Variants in NRG3 observed in about 807,000 individuals in gnomAD.
The protein encoded by NRG3 is neuregulin 3, also known as pro-neuregulin-3, membrane-bound isoform.
NRG3 carries 31 observed loss-of-function variants against 66.9 expected under a neutral mutation model. The ratio of observed to expected loss-of-function variants is 0.46; its 90% CI spans 0.35 to 0.63. The LOEUF (loss-of-function observed/expected upper bound fraction) is 0.63. Ranked by LOEUF, NRG3 falls within the 20% of genes least tolerant of loss-of-function variation. NRG3 has a pLI of 0.00. For synonymous variants in NRG3, 393 were observed against 359.4 expected, an observed-to-expected ratio of 1.09 and a Z score of -1.06; for missense variants, 910 against 878.9, an observed-to-expected ratio of 1.04 and a Z score of -0.45.
At chr10:82,080,135 G>C (rs1382751583) in intron 1 of NRG3, among the ~76,000 whole-genome samples, 1 of 152,114 alleles carries the variant, frequency 6.6e-6, no homozygotes, top group Admixed American at 6.5e-5. Flanking sequence ...TGCATTCACA[G>C]TGGCTCCCAT....
At chr10:82,554,145 A>C (rs1178747595) in intron 2 of NRG3, among the ~76,000 whole-genome samples, 1 of 152,284 alleles carries the variant, frequency 6.6e-6, no homozygotes, top group African/African-American at 2.4e-5. Flanking sequence ...TAAAATTAAG[A>C]TGCAGATGAG....
intron 3 of NRG3, among the ~76,000 whole-genome samples, chr10:82,746,009 C>T (rs2058628641): frequency 6.6e-6 from 1 of 152,112 alleles, no homozygotes; most frequent in Admixed American, 6.5e-5. Flanking sequence ...TTGCCTCAGC[C>T]TCCCAAGTAG....
intron 1 of NRG3, among the ~76,000 whole-genome samples, chr10:82,187,031 A>G (rs2073849467): frequency 6.6e-6 from 1 of 152,212 alleles, no homozygotes; most frequent in Non-Finnish European, 1.5e-5. Flanking sequence ...CTAGGCCATC[A>G]CCCAAAAACT....
intron 2 of NRG3, among the ~76,000 whole-genome samples, chr10:82,565,990 A>G (rs976905495): frequency 1.3e-5 from 2 of 152,056 alleles, no homozygotes; most frequent in Non-Finnish European, 2.9e-5. Flanking sequence ...CGCCATAGAG[A>G]TGATTGAGCA....
intron 1 of NRG3, among the ~76,000 whole-genome samples, chr10:82,121,462 G>T (rs1429299355): frequency 3.9e-5 from 6 of 152,100 alleles, no homozygotes; most frequent in African/African-American, 1.4e-4. Context: ...ACTGCTTTCT[G>T]CAGAGTAGAC....
chr10:82,714,082 G>A (rs148497571), intron 2 of NRG3, among the ~76,000 whole-genome samples: 13 of 152,226 alleles, frequency 8.5e-5, no homozygotes, highest in African/African-American at 3.1e-4. Flanking sequence ...TAACAATCCA[G>A]TCCAGTTAAT....
rs192650029 is a variant in NRG3 at position 82,323,741 on chromosome 10, A to G, written c.824-34998A>G. 5.1e-4 allele frequency among the ~76,000 whole-genome samples: 77 copies of G among 152,194 alleles called. 1 individual carries two copies. The highest frequency in any genetic ancestry group is 2.9e-3 in the South Asian group (14 of 4,814). ...AGTAAAGTCATCTGGGATTGGAGTT[A>G]TCTCTGTGGGAAGATTTTCAACTAC... On this transcript the variant is annotated intron_variant, in intron 1 of 8. Coordinates refer to ENST00000372141, the MANE Select transcript of NRG3 (RefSeq NM_001010848.4).
intron 1 of NRG3, among the ~76,000 whole-genome samples, chr10:82,110,206 T>C (rs1429176917): frequency 1.3e-5 from 2 of 152,134 alleles, no homozygotes; most frequent in South Asian, 4.1e-4. Flanking sequence ...CATACAGATA[T>C]CTATGGTGAG....
intron 2 of NRG3, among the ~76,000 whole-genome samples, chr10:82,653,376 T>C (rs1035907423): frequency 1.3e-5 from 2 of 152,168 alleles, no homozygotes; most frequent in African/African-American, 4.8e-5. Flanking sequence ...TAAACTTTAG[T>C]GGAGGGCTCA....
At chr10:82,635,465 A>T (rs1167768620) in intron 2 of NRG3, among the ~76,000 whole-genome samples, 2 of 151,760 alleles carry the variant, frequency 1.3e-5, no homozygotes, top group Non-Finnish European at 2.9e-5. Context: ...GAAGGGACAT[A>T]TTCCTGTCTT....
chr10:82,297,277 T>G (rs1332053371), intron 1 of NRG3, among the ~76,000 whole-genome samples: 1 of 152,124 alleles, frequency 6.6e-6, no homozygotes, highest in Non-Finnish European at 1.5e-5. Flanking sequence ...AAACATTTTT[T>G]TTTTTCTTTT....
intron 3 of NRG3, among the ~76,000 whole-genome samples, chr10:82,852,149 G>T (rs1019766177): frequency 1.3e-5 from 2 of 152,174 alleles, no homozygotes; most frequent in African/African-American, 2.4e-5. Context: ...AAACAAGGTG[G>T]ACTGTTTTCT....
At chr10:82,786,054 C>T (rs1232021596) in intron 3 of NRG3, among the ~76,000 whole-genome samples, 2 of 152,092 alleles carry the variant, frequency 1.3e-5, no homozygotes, top group African/African-American at 4.8e-5. Flanking sequence ...ATGGTGCCAC[C>T]CCGGAGAGCC....
At chr10:82,851,297 T>G (rs1008563652) in intron 3 of NRG3, among the ~76,000 whole-genome samples, 15 of 152,160 alleles carry the variant, frequency 9.9e-5, no homozygotes, top group Non-Finnish European at 2.2e-4. Flanking sequence ...TAAGCATTGG[T>G]GCTCTTGGAG....
intron 1 of NRG3, among the ~76,000 whole-genome samples, chr10:82,001,560 G>C (rs2061168267): frequency 6.6e-6 from 1 of 151,592 alleles, no homozygotes; most frequent in Non-Finnish European, 1.5e-5. Context: ...AAGAAGAGAG[G>C]AATGAATGAA....
At chr10:82,581,193 G>C (rs1416630362) in intron 2 of NRG3, among the ~76,000 whole-genome samples, 3 of 151,726 alleles carry the variant, frequency 2.0e-5, no homozygotes, top group Non-Finnish European at 4.4e-5. Context: ...TGTGATGTTG[G>C]GTATATTTTC....
chr10:82,528,978 T>C (rs1373642524), intron 2 of NRG3, among the ~76,000 whole-genome samples: 1 of 152,176 alleles, frequency 6.6e-6, no homozygotes, highest in African/African-American at 2.4e-5. Context: ...TGTAATAAAA[T>C]TGTCATTAAT....
intron 1 of NRG3, among the ~76,000 whole-genome samples, chr10:82,316,891 T>G (rs928204905): frequency 3.9e-5 from 6 of 152,158 alleles, no homozygotes; most frequent in Non-Finnish European, 7.3e-5. Flanking sequence ...TGGAGCAGAT[T>G]CCAGGCTTCT....
intron 1 of NRG3, among the ~76,000 whole-genome samples, chr10:81,968,452 G>A (rs2059809873): frequency 6.6e-6 from 1 of 152,138 alleles, no homozygotes; most frequent in African/African-American, 2.4e-5. Flanking sequence ...GGATGAGAGT[G>A]AGAAAGTGAG....
Sources: allele counts gnomAD v4.1 joint callset (sites outside exome capture counted in the v4.1 genomes callset), GRCh38; gene constraint gnomAD v4.1.1; transcripts MANE v1.5; gene names NCBI Gene and HGNC (gene_info 2026-07-23, HGNC 2026-07-21).